Variants in ADAMTSL3 observed in about 807,000 individuals in gnomAD.
ADAMTSL3 encodes the protein ADAMTS-like protein 3.
ADAMTSL3 carries 128 observed loss-of-function variants against 201.7 expected under a neutral mutation model. That is an observed-to-expected ratio of 0.63 (90% confidence interval 0.55 to 0.73). ADAMTSL3 has a LOEUF of 0.73. Ranked by LOEUF, ADAMTSL3 falls within the 30% of genes least tolerant of loss-of-function variation. ADAMTSL3 has a pLI of 0.00. For synonymous variants in ADAMTSL3, 738 were observed against 748.4 expected (o/e 0.99, Z 0.23); for missense variants, 1,990 against 2,119.6 (o/e 0.94, Z 1.20).
At chr15:83,965,052 C>G (rs1189021860) in intron 19 of ADAMTSL3, among the ~76,000 whole-genome samples, 1 of 152,164 alleles carries the variant, frequency 6.6e-6, no homozygotes, top group South Asian at 2.1e-4. Context: ...CAACCGGTAC[C>G]AGCCACTGCA....
At chr15:83,808,926 A>C (rs1211131800) in intron 5 of ADAMTSL3, among the ~76,000 whole-genome samples, 22 of 152,192 alleles carry the variant, frequency 1.4e-4, no homozygotes, top group Admixed American at 1.2e-3. Context: ...AAAAAAAAAA[A>C]AAAAACAACT....
chr15:83,907,389 GTT>G (rs2065859288), intron 15 of ADAMTSL3, among the ~76,000 whole-genome samples: 5 of 152,038 alleles, frequency 3.3e-5, no homozygotes, highest in African/African-American at 1.2e-4. Flanking sequence ...AATTGGCATT[GTT>G]TTGTTGTTGT....
intron 8 of ADAMTSL3, among the ~76,000 whole-genome samples, chr15:83,863,685 T>A (rs988522279): frequency 6.6e-6 from 1 of 151,962 alleles, no homozygotes. Flanking sequence ...ATTGACACCC[T>A]CACATCACAA....
At chr15:83,989,921 T>C (rs1861841011) in intron 22 of ADAMTSL3, among the ~76,000 whole-genome samples, 1 of 152,258 alleles carries the variant, frequency 6.6e-6, no homozygotes, top group South Asian at 2.1e-4. Flanking sequence ...TAACCTCATA[T>C]GGTCTCATAA....
intron 2 of ADAMTSL3, among the ~76,000 whole-genome samples, chr15:83,701,005 A>G (rs113774872): frequency 2.0e-5 from 3 of 152,266 alleles, no homozygotes; most frequent in African/African-American, 7.2e-5. Context: ...AGCGTAAACT[A>G]TAGTTCCTGC....
chr15:83,992,472 A>T (rs1245927119), intron 23 of ADAMTSL3, among the ~76,000 whole-genome samples: 1 of 152,218 alleles, frequency 6.6e-6, no homozygotes, highest in Non-Finnish European at 1.5e-5. Context: ...AAGGGCCGGC[A>T]TTCTCTGGCC....
In ADAMTSL3 at chr15:83,993,420, T is replaced by C. The variant is rs11856918; in HGVS notation, c.3973+2206T>C. ...TTGAACTCTGCTTTACAAATTACAT[T>C]TTTATATTGCAAATTGGGATTTCTG... is the stretch of plus-strand genomic sequence containing the variant. On this transcript the variant is annotated intron_variant, in intron 23 of 29. Transcript: ENST00000286744. Among the ~76,000 whole-genome samples, 1,482 of 152,342 alleles carry C rather than the reference T, an allele frequency of 9.7e-3. 28 individuals are homozygous for C. The highest frequency in any genetic ancestry group is 0.034 in the African/African-American group (1,397 of 41,580).
At chr15:83,897,777 G>T in intron 13 of ADAMTSL3, 81 bp from the exon 14 acceptor site, 2 of 1,436,280 alleles carry the variant, frequency 1.4e-6, no homozygotes, top group Non-Finnish European at 1.9e-6. Flanking sequence ...TAGTTCAATG[G>T]CTCTCCTTTG....
chr15:83,813,316 C>T (rs895634209), intron 5 of ADAMTSL3, among the ~76,000 whole-genome samples: 1 of 152,146 alleles, frequency 6.6e-6, no homozygotes, highest in African/African-American at 2.4e-5. Flanking sequence ...ACTCCAGCAG[C>T]CTGGGGTGGA....
Position 83,873,030 on chromosome 15 carries a change from C to T in ADAMTSL3, c.960+2071C>T, listed in dbSNP as rs571706718. 1.6e-4 allele frequency among the ~76,000 whole-genome samples: 24 copies of T among 145,666 alleles called. 2 individuals carry two copies. Among genetic ancestry groups the T allele is most frequent in the Non-Finnish European group, 2.4e-4 (16 of 66,764 alleles). Reference sequence around the variant, plus strand: ...GTTTAAAAGGAAGAATGTGGCTGGGCGTGGTGGCTCATGCCTGTAATCCCA... The same window carrying T: ...GTTTAAAAGGAAGAATGTGGCTGGGTGTGGTGGCTCATGCCTGTAATCCCA... On this transcript the variant is annotated intron_variant, in intron 9 of 29. Transcript: ENST00000286744.
At chr15:83,688,671 G>C (rs1211330063) in intron 2 of ADAMTSL3, among the ~76,000 whole-genome samples, 1 of 151,256 alleles carries the variant, frequency 6.6e-6, no homozygotes, top group East Asian at 1.9e-4. Flanking sequence ...TATCTATTGA[G>C]CTGAAGAATT....
At chr15:83,792,069 A>G (rs1224274953) in intron 4 of ADAMTSL3, among the ~76,000 whole-genome samples, 2 of 152,200 alleles carry the variant, frequency 1.3e-5, no homozygotes, top group Non-Finnish European at 2.9e-5. Flanking sequence ...AACAATCAAC[A>G]GAGAGAAGAG....
chr15:83,900,412 T>C (rs1391968282), intron 15 of ADAMTSL3, among the ~76,000 whole-genome samples: 1 of 152,202 alleles, frequency 6.6e-6, no homozygotes, highest in Non-Finnish European at 1.5e-5. Flanking sequence ...GGCAGTTATA[T>C]AGGGACAAAA....
chr15:83,753,604 A>G (rs1219974218), intron 3 of ADAMTSL3, among the ~76,000 whole-genome samples: 1 of 152,206 alleles, frequency 6.6e-6, no homozygotes, highest in Non-Finnish European at 1.5e-5. Flanking sequence ...AATCACTAAG[A>G]AAAGTCGAAA....
At chr15:83,954,066 A>T (rs897471966) in intron 19 of ADAMTSL3, among the ~76,000 whole-genome samples, 3 of 152,072 alleles carry the variant, frequency 2.0e-5, no homozygotes, top group African/African-American at 7.2e-5. Context: ...TTGAATGTTA[A>T]TATCTTTCTC....
chr15:83,779,604 A>G (rs1401808022), intron 4 of ADAMTSL3, among the ~76,000 whole-genome samples: 1 of 148,382 alleles, frequency 6.7e-6, no homozygotes, highest in African/African-American at 2.5e-5. Context: ...AGGCTGAGGC[A>G]GGAGAATGGT....
intron 6 of ADAMTSL3, among the ~76,000 whole-genome samples, chr15:83,833,973 A>G (rs1313914376): frequency 6.6e-6 from 1 of 152,226 alleles, no homozygotes; most frequent in Non-Finnish European, 1.5e-5. Context: ...CTTCCTGTTA[A>G]TAACCGTGCT....
chr15:83,771,376 G>C (rs950719532), intron 3 of ADAMTSL3, among the ~76,000 whole-genome samples: 1 of 152,124 alleles, frequency 6.6e-6, no homozygotes, highest in African/African-American at 2.4e-5. Context: ...ATGTTGAAAA[G>C]CAGATCTCTA....
intron 2 of ADAMTSL3, among the ~76,000 whole-genome samples, chr15:83,700,620 C>T (rs1388241035): frequency 6.6e-6 from 1 of 152,028 alleles, no homozygotes; most frequent in Non-Finnish European, 1.5e-5. Flanking sequence ...AAAAATTATC[C>T]AGGCATGGTG....
Sources: gnomAD v4.1 joint callset for allele counts (sites outside exome capture counted in the v4.1 genomes callset) on GRCh38, gnomAD v4.1.1 for gene constraint, MANE v1.5 for transcripts, NCBI Gene and HGNC (gene_info 2026-07-23, HGNC 2026-07-21) for gene names.